The following IFI27L1 variants were observed in gnomAD, a reference collection of about 807,000 sequenced individuals.
IFI27L1 encodes the protein interferon alpha-inducible protein 27-like protein 1.
IFI27L1 carries 3 observed loss-of-function variants against 9.2 expected under a neutral mutation model. The observed-to-expected ratio is 0.32, with a 90% CI of 0.15 to 0.84. IFI27L1 has a LOEUF of 0.84. IFI27L1 is among the 40% of genes least tolerant of loss of function. The probability of loss-of-function intolerance (pLI) is 0.56; values close to 1 mark genes in which losing one functional copy is unlikely to be tolerated. For missense variants in IFI27L1, 133 were observed against 134.2 expected (o/e 0.99, Z 0.05); for synonymous variants, 53 against 50.0 (o/e 1.06, Z -0.26).
intron 1 of IFI27L1, among the ~76,000 whole-genome samples, chr14:94,089,868 G>T (rs767224380): frequency 7.9e-5 from 12 of 152,138 alleles, no homozygotes; most frequent in Non-Finnish European, 1.8e-4. Context: ...TTGTATTCAG[G>T]GTAGAGTGGA....
intron 1 of IFI27L1, among the ~76,000 whole-genome samples, chr14:94,093,461 A>G (rs1291508213): frequency 6.6e-6 from 1 of 151,982 alleles, no homozygotes; most frequent in Non-Finnish European, 1.5e-5. Flanking sequence ...TTGAGCCACA[A>G]CGCCCGGCCC....
chr14:94,087,236 G>A (rs1886311104), intron 1 of IFI27L1, among the ~76,000 whole-genome samples: 1 of 152,214 alleles, frequency 6.6e-6, no homozygotes, highest in Admixed American at 6.5e-5. Flanking sequence ...AGGTTGGGCA[G>A]GTAGTTTCTG....
At position 94,098,197 on chromosome 14, in the gene IFI27L1, G is replaced by A. The variant is rs183641046; in HGVS notation, c.28+1232G>A. The stretch of plus-strand genomic sequence containing the variant: ...AACAACAGAAATTTACTTTCTCACC[G>A]TTCTGGAGGCTAGAAGTCTGAAATC... On this transcript the variant is annotated intron_variant, in intron 2 of 4. Coordinates refer to ENST00000555523, the MANE Select transcript of IFI27L1 (RefSeq NM_206949.3). Among the ~76,000 whole-genome samples, 306 of 152,340 alleles carry A rather than the reference G, an allele frequency of 2.0e-3. 1 individual carries two copies. Among genetic ancestry groups the A allele is most frequent in the Non-Finnish European group, 3.5e-3 (239 of 68,040 alleles).
intron 1 of IFI27L1, among the ~76,000 whole-genome samples, chr14:94,092,133 TAA>T (rs546904018): frequency 1.9e-5 from 2 of 107,946 alleles, no homozygotes; most frequent in African/African-American, 3.5e-5. Context: ...CTCAAAAAAA[TAA>T]AAAAAAAAAA....
chr14:94,097,100 A>T, intron 2 of IFI27L1, 135 bp downstream of exon 2: 1 of 669,498 alleles, frequency 1.5e-6, no homozygotes, highest in Non-Finnish European at 2.5e-6. Flanking sequence ...AGAATTATTC[A>T]GGAATGAATG....
At chr14:94,097,099 C>A (rs1309355151) in intron 2 of IFI27L1, 134 bp downstream of exon 2, 12 of 670,828 alleles carry the variant, frequency 1.8e-5, no homozygotes, top group Non-Finnish European at 3.0e-5. Flanking sequence ...AAGAATTATT[C>A]AGGAATGAAT....
chr14:94,102,683 T>G lies in IFI27L1; in HGVS notation c.*115T>G, dbSNP rs978269437. The stretch of plus-strand genomic sequence containing the variant: ...ACTCCCAAAACTATTTAAGGAAGCA[T>G]GAAAAATAAAGATGCTGGTTATCTT... On this transcript the variant is annotated 3_prime_UTR_variant, in exon 5 of 5. Coordinates refer to ENST00000555523, the MANE Select transcript of IFI27L1 (RefSeq NM_206949.3). 11 of 559,806 alleles carry G rather than the reference T, an allele frequency of 2.0e-5. No homozygotes were observed. The highest frequency in any genetic ancestry group is 2.7e-4 in the Middle Eastern group (1 of 3,656). The allele number at this position is 559,806 out of a possible 1,614,324, so 34.7% of individuals were successfully genotyped here. A position where few individuals can be genotyped will look rare whatever the true frequency, so the allele number is the denominator to read the frequency against.
intron 1 of IFI27L1, among the ~76,000 whole-genome samples, chr14:94,083,358 A>G (rs549994543): frequency 6.6e-6 from 1 of 152,238 alleles, no homozygotes; most frequent in Non-Finnish European, 1.5e-5. Context: ...TTGAAATGAC[A>G]ATGAAGGATT....
intron 1 of IFI27L1, among the ~76,000 whole-genome samples, chr14:94,084,090 T>A (rs936688235): frequency 2.0e-5 from 3 of 152,144 alleles, no homozygotes; most frequent in Non-Finnish European, 4.4e-5. Flanking sequence ...TTTTAAAAAA[T>A]AGTAAGAATA....
rs1886101109 is a variant in IFI27L1 at position 94,081,459 on chromosome 14, CT to C, written c.-52+12del. ...GCTCCCGCACAGTAACGTAAGTTTT[CT>C]TGTATTCTTAGTGTAGTTTCGTTAC... On this transcript the variant is annotated intron_variant, in intron 1 of 4. Coordinates refer to ENST00000555523, the MANE Select transcript of IFI27L1 (RefSeq NM_206949.3). The C allele has an allele frequency of 6.6e-6, 1 of 152,342 alleles. No homozygotes were observed. The highest frequency in any genetic ancestry group is 1.5e-5 in the Non-Finnish European group (1 of 68,088). 9.4% of individuals were successfully genotyped at this position (152,342 alleles called of 1,614,324 possible). A position where few individuals can be genotyped will look rare whatever the true frequency, so the allele number is the denominator to read the frequency against.
rs1458865407 is a variant in IFI27L1, at chr14:94,081,380, A to G, written c.-121A>G. 1.3e-5 allele frequency: 2 copies of G among 152,224 alleles called. No individual in the cohort carries two copies. The highest frequency in any genetic ancestry group is 2.4e-5 in the African/African-American group (1 of 41,452). The allele number at this position is 152,224 out of a possible 1,614,324, so 9.4% of individuals were successfully genotyped here. A position where few individuals can be genotyped will look rare whatever the true frequency, so the allele number is the denominator to read the frequency against. ...CAGCTTTACTCCTGCCAGCTTGGGAAAAGGCCGGAGAAGGTGAAATTCTGT... is the reference window on the plus strand; with the variant it reads ...CAGCTTTACTCCTGCCAGCTTGGGAGAAGGCCGGAGAAGGTGAAATTCTGT... On this transcript the variant is annotated 5_prime_UTR_variant, in exon 1 of 5. Coordinates refer to ENST00000555523, the MANE Select transcript of IFI27L1 (RefSeq NM_206949.3).
chr14:94,094,652 C>T (rs1886603663), intron 1 of IFI27L1: 1 of 152,134 alleles, frequency 6.6e-6, no homozygotes. Context: ...TGAGCCATCC[C>T]TTGTTTAGCA....
At chr14:94,094,453 C>T (rs1383462019) in intron 1 of IFI27L1, among the ~76,000 whole-genome samples, 1 of 152,132 alleles carries the variant, frequency 6.6e-6, no homozygotes, top group African/African-American at 2.4e-5. Context: ...ACCTTCTCCA[C>T]CCTGCCGTTT....
intron 1 of IFI27L1, among the ~76,000 whole-genome samples, chr14:94,086,251 G>C (rs1886276244): frequency 6.6e-6 from 1 of 152,150 alleles, no homozygotes; most frequent in African/African-American, 2.4e-5. Flanking sequence ...TCCACCTTCT[G>C]CCATGATCGT....
intron 1 of IFI27L1, among the ~76,000 whole-genome samples, chr14:94,082,782 A>T (rs1236162198): frequency 6.6e-6 from 1 of 152,244 alleles, no homozygotes; most frequent in Non-Finnish European, 1.5e-5. Flanking sequence ...GATTTCTCTC[A>T]AAGTATTATT....
intron 1 of IFI27L1, among the ~76,000 whole-genome samples, chr14:94,086,220 A>G (rs1246278454): frequency 2.6e-5 from 4 of 152,086 alleles, no homozygotes; most frequent in African/African-American, 9.7e-5. Flanking sequence ...TGTTTTCACC[A>G]TCTCATGTGC....
chr14:94,090,565 C>A (rs191425359), intron 1 of IFI27L1, among the ~76,000 whole-genome samples: 1 of 152,132 alleles, frequency 6.6e-6, no homozygotes, highest in Non-Finnish European at 1.5e-5. Flanking sequence ...CAGATACCTA[C>A]GAGTTTGGGT....
intron 1 of IFI27L1, among the ~76,000 whole-genome samples, chr14:94,096,131 G>A (rs1431968886): frequency 6.6e-6 from 1 of 152,176 alleles, no homozygotes; most frequent in East Asian, 1.9e-4. Flanking sequence ...TGTCCCCCAG[G>A]ACAGAAACGT....
Position 94,089,633 on chromosome 14 carries a change from T to C in IFI27L1, c.-51-7254T>C, listed in dbSNP as rs188298439. Among the ~76,000 whole-genome samples, 415 of 152,328 alleles carry C rather than the reference T, an allele frequency of 2.7e-3. 1 individual carries two copies. The highest frequency in any genetic ancestry group is 5.8e-3 in the South Asian group (28 of 4,826). On this transcript the variant is annotated intron_variant, in intron 1 of 4. Transcript: ENST00000555523. ...TCCTGTCTCATCCTGTGACTAAGAA[T>C]GCGTAACCTCCTGGGAATGCAGCCT...
Sources: gnomAD v4.1 joint callset for allele counts (sites outside exome capture counted in the v4.1 genomes callset) on GRCh38, gnomAD v4.1.1 for gene constraint, MANE v1.5 for transcripts, NCBI Gene and HGNC (gene_info 2026-07-23, HGNC 2026-07-21) for gene names.